Variants in PPP2CA observed in about 807,000 individuals in gnomAD.
PPP2CA encodes protein phosphatase 2 catalytic subunit alpha, also known as serine/threonine-protein phosphatase 2A catalytic subunit alpha isoform.
A neutral mutation model predicts 38.8 loss-of-function variants in PPP2CA; 5 were observed. That is an observed-to-expected ratio of 0.13 (90% confidence interval 0.07 to 0.27). The LOEUF is 0.27. PPP2CA is among the 10% of genes least tolerant of loss of function. PPP2CA has a pLI of 1.00. For synonymous variants in PPP2CA, 152 were observed against 134.0 expected (o/e 1.13, Z -0.93); for missense variants, 88 against 389.7 (o/e 0.23, Z 6.52).
intron 1 of PPP2CA, among the ~76,000 whole-genome samples, chr5:134,211,309 C>T (rs1053351479): frequency 6.6e-6 from 1 of 152,136 alleles, no homozygotes; most frequent in East Asian, 1.9e-4. Context: ...AATCCCACAA[C>T]CTTATTTCCA....
chr5:134,209,626 A>G (rs116348834), intron 1 of PPP2CA, among the ~76,000 whole-genome samples: 4,106 of 152,246 alleles, frequency 0.027, 187 homozygotes, highest in African/African-American at 0.094. Context: ...CTAAAAACAC[A>G]AAACAGCTGG....
chr5:134,201,268 A>G (rs1379177795), intron 3 of PPP2CA, among the ~76,000 whole-genome samples, 194 bp from the exon 4 acceptor site: 1 of 152,210 alleles, frequency 6.6e-6, no homozygotes, highest in Non-Finnish European at 1.5e-5. Flanking sequence ...TTAAAAAATG[A>G]GCTGGGCACC....
chr5:134,203,539 T>A (rs1320663620), intron 2 of PPP2CA: 1 of 152,250 alleles, frequency 6.6e-6, no homozygotes. Context: ...ATCTGTCTTA[T>A]CTTCTCCCCA....
intron 1 of PPP2CA, among the ~76,000 whole-genome samples, chr5:134,218,173 C>T (rs1762360748): frequency 6.6e-6 from 1 of 151,766 alleles, no homozygotes; most frequent in South Asian, 2.1e-4. Flanking sequence ...CGAAACATTT[C>T]AATCTTCTTT....
chr5:134,219,827 A>G (rs1461611919), intron 1 of PPP2CA, among the ~76,000 whole-genome samples: 1 of 151,942 alleles, frequency 6.6e-6, no homozygotes, highest in Non-Finnish European at 1.5e-5. Context: ...CCTGGCCAAC[A>G]TGATGAAACC....
At chr5:134,212,597 A>G (rs948339706) in intron 1 of PPP2CA, among the ~76,000 whole-genome samples, 4 of 152,218 alleles carry the variant, frequency 2.6e-5, no homozygotes, top group African/African-American at 4.8e-5. Flanking sequence ...GAAGAGTTGC[A>G]TATCTCTCAC....
In PPP2CA at chr5:134,206,009, T is replaced by C. The variant is rs1762075819; in HGVS notation, c.225A>G (p.Ser75=). Residue 75 remains serine, a synonymous_variant, in exon 2 of 7, where the codon TCA becomes TCG. Transcript: ENST00000481195. ...LMELFRIGGK[S]PDTNYLFMGD... ...CCATAAACAAGTAATTTGTATCTGG[T>C]GATTTGCCACCAATTCTAAACAGTT... 1.9e-6 allele frequency: 3 copies of C among 1,614,070 alleles called. No individual in the cohort carries two copies. In the South Asian group the frequency reaches 3.3e-5, roughly 18 times the overall value.
chr5:134,225,220 G>C (rs1283535691), intron 1 of PPP2CA, among the ~76,000 whole-genome samples: 1 of 152,148 alleles, frequency 6.6e-6, no homozygotes, highest in Non-Finnish European at 1.5e-5. Flanking sequence ...TTGATTTCTG[G>C]AGAAGATCGC....
intron 1 of PPP2CA, among the ~76,000 whole-genome samples, chr5:134,221,453 AAAGT>A (rs1762441310): frequency 6.6e-6 from 1 of 152,166 alleles, no homozygotes; most frequent in African/African-American, 2.4e-5. Context: ...AACAATATAA[AAAGT>A]CAGTTATACT....
Position 134,224,866 on chromosome 5 carries a change from A to G in PPP2CA, c.102+894T>C, listed in dbSNP as rs139608564. On this transcript the variant is annotated intron_variant, in intron 1 of 6. Transcript: ENST00000481195. ...TGGAATACAATCTCAGTCGACAGTT[A>G]TTATCACTACTACTACTTGCAGCCA... 3.9e-5 allele frequency among the ~76,000 whole-genome samples: 6 copies of G among 152,378 alleles called. No individual in the cohort carries two copies. The South Asian group carries it at 8.3e-4, about 21-fold the overall frequency.
Position 134,225,805 on chromosome 5 carries a change from C to G in PPP2CA, c.57G>C (p.Glu19Asp). ...ELDQWIEQLN[E>D]CKQLSESQVK... ...CCTGGGACTCGGACAGCTGCTTGCA[C>G]TCGTTCAGCTGCTCGATCCACTGGT... Residue 19 changes from glutamate (E) to aspartate (D), a missense_variant, in exon 1 of 7, where the codon GAG (glutamate) becomes GAC (aspartate). Glu to Asp is a conservative substitution (Grantham distance 45). Transcript: ENST00000481195. 1.2e-6 allele frequency: 2 copies of G among 1,610,962 alleles called. No individual in the cohort carries two copies. The highest frequency in any genetic ancestry group is 1.7e-6 in the Non-Finnish European group (2 of 1,179,216).
intron 1 of PPP2CA, among the ~76,000 whole-genome samples, chr5:134,210,109 CA>C (rs11356097): frequency 0.76 from 111,326 of 146,258 alleles, 42,389 homozygotes; most frequent in Non-Finnish European, 0.82. Flanking sequence ...ACAGCCATCT[CA>C]AAAAAAAAAA....
rs1466768081 is a variant in PPP2CA, at chr5:134,196,941, A to C, written c.*831T>G. The C allele has an allele frequency of 6.6e-6, 1 of 152,650 alleles. No homozygotes were observed. The highest frequency in any genetic ancestry group is 6.5e-5 in the Admixed American group (1 of 15,284). The allele number at this position is 152,650 out of a possible 1,614,324, so 9.5% of individuals were successfully genotyped here. On this transcript the variant is annotated 3_prime_UTR_variant, in exon 7 of 7. Transcript: ENST00000481195. ...ATAAATCCTGAAGTTAATCTGAAGAATGTCAAGGAGTTACCAGAGAGGTTA... is the reference window on the plus strand; with the variant it reads ...ATAAATCCTGAAGTTAATCTGAAGACTGTCAAGGAGTTACCAGAGAGGTTA...
intron 4 of PPP2CA, 31 bp from the exon 5 acceptor site, chr5:134,200,527 T>C (rs1472010598): frequency 6.2e-7 from 1 of 1,604,028 alleles, no homozygotes; most frequent in East Asian, 2.2e-5. Flanking sequence ...ATAAAATGCC[T>C]TTTACAAACA....
intron 2 of PPP2CA, among the ~76,000 whole-genome samples, chr5:134,205,035 G>A (rs4642415): frequency 0.87 from 131,852 of 151,064 alleles, 57,865 homozygotes; most frequent in Middle Eastern, 0.92. Flanking sequence ...CCTGGGCTCA[G>A]GCAACTCTGC....
chr5:134,208,245 C>G (rs1388996286), intron 1 of PPP2CA, among the ~76,000 whole-genome samples: 1 of 152,148 alleles, frequency 6.6e-6, no homozygotes, highest in Non-Finnish European at 1.5e-5. Flanking sequence ...CAAAGCTATT[C>G]TCTGTATTAA....
At position 134,197,065 on chromosome 5, in the gene PPP2CA, T is replaced by C. The variant is rs1000193256; in HGVS notation, c.*707A>G. On this transcript the variant is annotated 3_prime_UTR_variant, in exon 7 of 7. Coordinates refer to ENST00000481195, the MANE Select transcript of PPP2CA (RefSeq NM_002715.4). ...TAATAAACAGCACCAGTCTTGCCCA[T>C]TGATACAATTAAAATTTGACCTTCT... The C allele has an allele frequency of 6.6e-6, 1 of 152,640 alleles. No individual in the cohort carries two copies. Among genetic ancestry groups the C allele is most frequent in the African/African-American group, 2.4e-5 (1 of 41,458 alleles). The allele number at this position is 152,640 out of a possible 1,614,324, so 9.5% of individuals were successfully genotyped here.
intron 1 of PPP2CA, chr5:134,225,516 G>A (rs904147298): frequency 6.8e-6 from 3 of 442,152 alleles, no homozygotes; most frequent in African/African-American, 6.3e-5. Context: ...AAGGCCGGCT[G>A]ACTCAAAAGC....
chr5:134,215,693 C>T (rs1762302847), intron 1 of PPP2CA, among the ~76,000 whole-genome samples: 1 of 152,200 alleles, frequency 6.6e-6, no homozygotes, highest in Non-Finnish European at 1.5e-5. Flanking sequence ...CCTGCCCTGG[C>T]CTCCCAATCT....
Sources: allele counts gnomAD v4.1 joint callset (sites outside exome capture counted in the v4.1 genomes callset), GRCh38; gene constraint gnomAD v4.1.1; transcripts MANE v1.5; gene names NCBI Gene and HGNC (gene_info 2026-07-23, HGNC 2026-07-21).